Variants in STK32C observed in about 807,000 individuals in gnomAD.
STK32C encodes the protein serine/threonine-protein kinase 32C.
A neutral mutation model predicts 56.5 loss-of-function variants in STK32C; 31 were observed. The observed-to-expected ratio is 0.55, with a 90% CI of 0.41 to 0.74. STK32C has a LOEUF of 0.74. Ranked by LOEUF, STK32C falls within the 30% of genes least tolerant of loss-of-function variation. STK32C has a pLI of 0.00. For missense variants in STK32C, 544 were observed against 676.9 expected (o/e 0.80, Z 2.18); for synonymous variants, 309 against 289.4 (o/e 1.07, Z -0.69).
chr10:132,326,795 G>A (rs193046232), intron 1 of STK32C, among the ~76,000 whole-genome samples: 2 of 152,320 alleles, frequency 1.3e-5, no homozygotes, highest in East Asian at 1.9e-4. Flanking sequence ...GTCCTCCACT[G>A]CTGGTCATGG....
intron 1 of STK32C, among the ~76,000 whole-genome samples, chr10:132,291,523 A>G (rs2065563103): frequency 6.6e-6 from 1 of 152,184 alleles, no homozygotes; most frequent in South Asian, 2.1e-4. Flanking sequence ...ACCTAGTGGG[A>G]AGAAGGGCTG....
intron 1 of STK32C, among the ~76,000 whole-genome samples, chr10:132,267,461 A>T (rs751679384): frequency 2.0e-5 from 3 of 151,862 alleles, no homozygotes; most frequent in Admixed American, 2.0e-4. Flanking sequence ...ATGCATGTGT[A>T]TGTGGGTTCA....
intron 1 of STK32C, among the ~76,000 whole-genome samples, chr10:132,276,441 A>C (rs1045679992): frequency 6.6e-6 from 1 of 152,156 alleles, no homozygotes; most frequent in African/African-American, 2.4e-5. Context: ...GCCAAGAAGG[A>C]CATCACCACA....
downstream of STK32C, among the ~76,000 whole-genome samples, chr10:132,320,942 T>C (rs144702897): frequency 7.0e-4 from 106 of 152,334 alleles, 1 homozygote; most frequent in Non-Finnish European, 1.4e-3. Flanking sequence ...GTCCATCTTA[T>C]AATAAATGAC....
intron 3 of STK32C, 104 bp from the exon 4 acceptor site, chr10:132,227,072 G>A: frequency 7.5e-7 from 1 of 1,325,366 alleles, no homozygotes; most frequent in South Asian, 1.4e-5. Flanking sequence ...CCCCACCCCA[G>A]CATCAGCCAC....
chr10:132,221,404 C>T (rs2062639039), intron 10 of STK32C, among the ~76,000 whole-genome samples: 1 of 144,754 alleles, frequency 6.9e-6, no homozygotes, highest in Admixed American at 7.0e-5. Context: ...CCAAAGCCAG[C>T]ACACCTGGGC....
intron 2 of STK32C, among the ~76,000 whole-genome samples, chr10:132,237,184 TC>T (rs2063324552): frequency 1.9e-5 from 1 of 51,540 alleles, no homozygotes; most frequent in African/African-American, 4.0e-5. Flanking sequence ...CTGACTGTGC[TC>T]CCTGGACTGT....
rs113309472 is a variant in STK32C at position 132,244,030 on chromosome 10, C to T, written c.318+1870G>A. Reference sequence around the variant, plus strand: ...GTGAGCAGACACAGCTACAGCCCAACCACACGCAGAACCACCCTTCTCAGC... The same window carrying T: ...GTGAGCAGACACAGCTACAGCCCAATCACACGCAGAACCACCCTTCTCAGC... On this transcript the variant is annotated intron_variant, in intron 2 of 11. Coordinates refer to ENST00000298630, the MANE Select transcript of STK32C (RefSeq NM_173575.4). Among the ~76,000 whole-genome samples, 491 of 152,324 alleles carry T rather than the reference C, an allele frequency of 3.2e-3. 4 individuals carry two copies. Among genetic ancestry groups the T allele is most frequent in the African/African-American group, 0.011 (467 of 41,578 alleles).
chr10:132,282,434 CACCTGTACCTGCACCCACCTGTGCCT>C (rs1414097849), intron 1 of STK32C, among the ~76,000 whole-genome samples: 1 of 151,996 alleles, frequency 6.6e-6, no homozygotes, highest in African/African-American at 2.4e-5. Flanking sequence ...TGCCTGCGCC[CACCTGTACCTGCACCCACCTGTGCCT>C]GCGCCCACCT....
chr10:132,270,539 C>A (rs755374490), intron 1 of STK32C, among the ~76,000 whole-genome samples: 1 of 152,206 alleles, frequency 6.6e-6, no homozygotes, highest in African/African-American at 2.4e-5. Flanking sequence ...CTGTGGGAAC[C>A]GCAGGGTATG....
chr10:132,257,533 G>A (rs558826726), intron 1 of STK32C, among the ~76,000 whole-genome samples: 18 of 152,172 alleles, frequency 1.2e-4, no homozygotes, highest in South Asian at 1.0e-3. Flanking sequence ...TGGGCGGGGC[G>A]GAGCTGCGAA....
chr10:132,257,901 C>T (rs902189319), intron 1 of STK32C, among the ~76,000 whole-genome samples: 4 of 152,186 alleles, frequency 2.6e-5, no homozygotes, highest in South Asian at 2.1e-4. Context: ...CAAAGGAGGC[C>T]GCGGCCCAGC....
At chr10:132,320,758 G>T (rs943044888), downstream of STK32C, among the ~76,000 whole-genome samples, 16 of 152,170 alleles carry the variant, frequency 1.1e-4, no homozygotes, top group Non-Finnish European at 2.1e-4. Context: ...GAGGTCAAGG[G>T]CAGACTTGAT....
intron 2 of STK32C, among the ~76,000 whole-genome samples, chr10:132,230,063 C>A (rs957943397): frequency 1.3e-5 from 2 of 151,196 alleles, no homozygotes; most frequent in Non-Finnish European, 2.9e-5. Context: ...CCTGAACACG[C>A]GGCCACACCT....
At chr10:132,257,961 G>A (rs1340541493) in intron 1 of STK32C, among the ~76,000 whole-genome samples, 1 of 152,176 alleles carries the variant, frequency 6.6e-6, no homozygotes, top group Admixed American at 6.5e-5. Flanking sequence ...GACCAGCAAG[G>A]CTCTCCTCAG....
upstream of STK32C, among the ~76,000 whole-genome samples, chr10:132,310,799 C>T (rs1176374858): frequency 2.6e-5 from 4 of 152,246 alleles, no homozygotes; most frequent in Non-Finnish European, 4.4e-5. The surrounding 1 kb of genome is among the most constrained non-coding windows in gnomAD (Gnocchi z 4.6). Context: ...CGTGCATGAT[C>T]GTGGGACCAC....
intron 2 of STK32C, among the ~76,000 whole-genome samples, chr10:132,237,663 G>C (rs561825258): frequency 2.6e-5 from 4 of 152,270 alleles, no homozygotes; most frequent in East Asian, 3.9e-4. Flanking sequence ...GGCTGGCCCC[G>C]GTGCAGCTCC....
chr10:132,226,643 G>A, intron 4 of STK32C, 152 bp downstream of exon 4: 6 of 898,080 alleles, frequency 6.7e-6, no homozygotes, highest in South Asian at 6.5e-5. Flanking sequence ...CGGCACAGGT[G>A]CCACAGCTGG....
chr10:132,258,892 AG>A (rs1365773132), intron 1 of STK32C, among the ~76,000 whole-genome samples: 2 of 152,278 alleles, frequency 1.3e-5, no homozygotes, highest in East Asian at 1.9e-4. Flanking sequence ...GCCCGTGGGC[AG>A]ACGGGGGTTG....
Sources: gnomAD v4.1 joint callset for allele counts (sites outside exome capture counted in the v4.1 genomes callset) on GRCh38, gnomAD v4.1.1 for gene constraint, Gnocchi (gnomAD v3.1) non-coding constraint, MANE v1.5 for transcripts, NCBI Gene and HGNC (gene_info 2026-07-23, HGNC 2026-07-21) for gene names.